The following ARB2A variants were observed in gnomAD, a reference collection of about 807,000 sequenced individuals.
ARB2A encodes ARB2 cotranscriptional regulator A.
the ARB2A span, among the ~76,000 whole-genome samples, chr5:94,073,083 T>C: frequency 1.3e-5 from 2 of 152,058 alleles, no homozygotes; most frequent in Non-Finnish European, 2.9e-5. Context: ...AAACGTGAAA[T>C]CCTCTAATGA....
chr5:93,666,273 C>T, the ARB2A span, among the ~76,000 whole-genome samples: 1 of 152,100 alleles, frequency 6.6e-6, no homozygotes. Context: ...AGATTACACA[C>T]AGTTATTTCA....
At chr5:94,022,858 A>G in the ARB2A span, among the ~76,000 whole-genome samples, 1 of 152,240 alleles carries the variant, frequency 6.6e-6, no homozygotes, top group African/African-American at 2.4e-5. Flanking sequence ...GTGTACACTC[A>G]GTCAACACAA....
At chr5:94,068,091 T>C in the ARB2A span, among the ~76,000 whole-genome samples, 3 of 152,100 alleles carry the variant, frequency 2.0e-5, no homozygotes, top group African/African-American at 7.2e-5. Context: ...CCCAAGATGG[T>C]GGTGGGCTAC....
chr5:94,103,304 A>G, the ARB2A span, among the ~76,000 whole-genome samples: 1 of 152,134 alleles, frequency 6.6e-6, no homozygotes, highest in Non-Finnish European at 1.5e-5. Flanking sequence ...CCACAGACTC[A>G]GAGTAAGGGA....
At chr5:93,916,327 T>C in the ARB2A span, among the ~76,000 whole-genome samples, 1 of 152,122 alleles carries the variant, frequency 6.6e-6, no homozygotes, top group Non-Finnish European at 1.5e-5. Flanking sequence ...AAATGCATTT[T>C]GGCATTTAGT....
the ARB2A span, among the ~76,000 whole-genome samples, chr5:93,810,072 T>C: frequency 6.6e-6 from 1 of 152,114 alleles, no homozygotes; most frequent in African/African-American, 2.4e-5. Flanking sequence ...TCAGGTATGT[T>C]GTTTAGCCTG....
the ARB2A span, among the ~76,000 whole-genome samples, chr5:94,092,308 T>G: frequency 1.3e-5 from 2 of 152,214 alleles, no homozygotes; most frequent in Non-Finnish European, 2.9e-5. Context: ...ATAAAACTTC[T>G]AAATATGATA....
the ARB2A span, among the ~76,000 whole-genome samples, chr5:94,065,698 C>T: frequency 3.8e-4 from 58 of 152,210 alleles, 1 homozygote; most frequent in African/African-American, 1.4e-3. Context: ...AACATATATG[C>T]ACTCAACACT....
chr5:93,782,641 C>T, the ARB2A span, among the ~76,000 whole-genome samples: 386 of 152,156 alleles, frequency 2.5e-3, 2 homozygotes, highest in Admixed American at 4.1e-3. Context: ...TATAACTTAC[C>T]GAACTTTTTT....
the ARB2A span, among the ~76,000 whole-genome samples, chr5:94,028,658 G>A: frequency 4.1e-4 from 62 of 152,140 alleles, no homozygotes; most frequent in African/African-American, 1.3e-3. Flanking sequence ...ATATAAAAAC[G>A]TTGAAAAATA....
At chr5:93,936,977 G>A in the ARB2A span, among the ~76,000 whole-genome samples, 1 of 132,224 alleles carries the variant, frequency 7.6e-6, no homozygotes, top group Admixed American at 8.3e-5. Context: ...GTCTCGCTCT[G>A]TCACCCAGGC....
chr5:93,991,517 A>G, the ARB2A span, among the ~76,000 whole-genome samples: 167 of 152,146 alleles, frequency 1.1e-3, no homozygotes, highest in African/African-American at 3.9e-3. Context: ...ATATTAAGCC[A>G]CCTATTACAA....
the ARB2A span, among the ~76,000 whole-genome samples, chr5:93,725,188 G>A: frequency 8.6e-5 from 13 of 151,912 alleles, no homozygotes; most frequent in African/African-American, 3.1e-4. Context: ...AATAAGGGGG[G>A]AACTACTGTA....
the ARB2A span, among the ~76,000 whole-genome samples, chr5:93,900,351 G>A: frequency 5.9e-5 from 9 of 151,994 alleles, no homozygotes; most frequent in African/African-American, 1.4e-4. Flanking sequence ...GGTGGCTCAC[G>A]CCTGTAATCC....
the ARB2A span, among the ~76,000 whole-genome samples, chr5:93,627,040 C>T: frequency 6.6e-6 from 1 of 152,194 alleles, no homozygotes; most frequent in Non-Finnish European, 1.5e-5. Flanking sequence ...GTTTACAGCA[C>T]CTTCACCAGG....
At chr5:93,782,340 T>C in the ARB2A span, among the ~76,000 whole-genome samples, 1 of 152,310 alleles carries the variant, frequency 6.6e-6, no homozygotes, top group East Asian at 1.9e-4. Context: ...ATAGGAATTA[T>C]TGTCTCCAAT....
chr5:94,083,754 AAAGTT>A, the ARB2A span, among the ~76,000 whole-genome samples: 1 of 152,058 alleles, frequency 6.6e-6, no homozygotes, highest in South Asian at 2.1e-4. Flanking sequence ...AAAGGAAATC[AAAGTT>A]ATCATTATTT....
the ARB2A span, among the ~76,000 whole-genome samples, chr5:93,895,514 T>C: frequency 6.6e-6 from 1 of 152,312 alleles, no homozygotes; most frequent in Admixed American, 6.6e-5. Flanking sequence ...GGCATAACAT[T>C]TGTTTTAATA....
chr5:94,033,306 C>T, the ARB2A span, among the ~76,000 whole-genome samples: 2 of 152,168 alleles, frequency 1.3e-5, no homozygotes, highest in Admixed American at 1.3e-4. Context: ...TACAGGCTCA[C>T]AACCAGAAGG....
Sources: allele counts gnomAD v4.1 joint callset (sites outside exome capture counted in the v4.1 genomes callset), GRCh38; gene constraint gnomAD v4.1.1; transcripts MANE v1.5; gene names NCBI Gene and HGNC (gene_info 2026-07-23, HGNC 2026-07-21).